Variants in CFAP20DC observed in about 807,000 individuals in gnomAD.
CFAP20DC encodes CFAP20 domain containing.
In CFAP20DC, 84 loss-of-function variants were observed where a neutral mutation model predicts 101.7. The ratio of observed to expected loss-of-function variants is 0.83; its 90% confidence interval spans 0.69 to 0.99. The LOEUF (loss-of-function observed/expected upper bound fraction) is 0.99. Among genes scored for constraint, CFAP20DC ranks in the 50% least tolerant of loss-of-function variants. The probability of loss-of-function intolerance (pLI) is 0.00; values close to 1 mark genes in which losing one functional copy is unlikely to be tolerated. For synonymous variants in CFAP20DC, 359 were observed against 351.2 expected (o/e 1.02, Z -0.25); for missense variants, 1,007 against 970.3 (o/e 1.04, Z -0.50).
At chr3:58,958,047 A>G (rs1425100657) in intron 4 of CFAP20DC, among the ~76,000 whole-genome samples, 3 of 152,202 alleles carry the variant, frequency 2.0e-5, no homozygotes, top group African/African-American at 7.2e-5. Flanking sequence ...TAAATAACCT[A>G]GTTTCCATGA....
chr3:58,993,009 T>C (rs2092992092), intron 4 of CFAP20DC, among the ~76,000 whole-genome samples: 1 of 152,206 alleles, frequency 6.6e-6, no homozygotes, highest in South Asian at 2.1e-4. Context: ...TAAAATGATT[T>C]GGCAAGTGAT....
At chr3:58,911,406 A>G (rs556725883) in intron 6 of CFAP20DC, among the ~76,000 whole-genome samples, 2 of 152,272 alleles carry the variant, frequency 1.3e-5, no homozygotes, top group South Asian at 2.1e-4. Context: ...GGTAATATTA[A>G]TCTGTTAGAA....
rs369378304 is a variant in CFAP20DC at position 58,751,669 on chromosome 3, A to AT, written c.2332+2099dup. Among the ~76,000 whole-genome samples, 331 of 152,274 alleles carry AT rather than the reference A, an allele frequency of 2.2e-3. 4 individuals carry two copies. Among genetic ancestry groups the AT allele is most frequent in the African/African-American group, 7.6e-3 (316 of 41,568 alleles). ...AACTCCTGGTTTTATATATACATAT[A>AT]TTTTTAGTAGGTAATCTACTTACCC... On this transcript the variant is annotated intron_variant, in intron 16 of 16. Transcript: ENST00000482387.
At chr3:58,749,179 T>C (rs2068402768) in intron 16 of CFAP20DC, among the ~76,000 whole-genome samples, 1 of 152,200 alleles carries the variant, frequency 6.6e-6, no homozygotes, top group African/African-American at 2.4e-5. Flanking sequence ...CATTCACTCA[T>C]CAAATATTTA....
chr3:58,804,263 G>C (rs1272129410), intron 15 of CFAP20DC, among the ~76,000 whole-genome samples: 1 of 152,144 alleles, frequency 6.6e-6, no homozygotes, highest in Non-Finnish European at 1.5e-5. Context: ...TATAGAATTA[G>C]GATGAGAATT....
At chr3:58,837,601 T>G (rs2076826303) in intron 13 of CFAP20DC, among the ~76,000 whole-genome samples, 1 of 152,136 alleles carries the variant, frequency 6.6e-6, no homozygotes, top group Non-Finnish European at 1.5e-5. Context: ...TTCTCTCTGA[T>G]CAACAACAAA....
At chr3:59,023,577 GGAGA>G (rs2093841986) in intron 4 of CFAP20DC, among the ~76,000 whole-genome samples, 1 of 152,008 alleles carries the variant, frequency 6.6e-6, no homozygotes, top group Non-Finnish European at 1.5e-5. Flanking sequence ...AATGAATTAT[GGAGA>G]GAGAGGTGCC....
intron 6 of CFAP20DC, among the ~76,000 whole-genome samples, chr3:58,885,314 GT>G (rs2081535440): frequency 6.6e-6 from 1 of 151,746 alleles, no homozygotes; most frequent in Non-Finnish European, 1.5e-5. Flanking sequence ...TTTCATTCAT[GT>G]ATATTTATAT....
chr3:58,921,513 T>C (rs1373824320), intron 5 of CFAP20DC, among the ~76,000 whole-genome samples: 3 of 152,256 alleles, frequency 2.0e-5, no homozygotes. Context: ...GACTTAGAAG[T>C]ATGTTACTTT....
rs1330675253 is a variant in CFAP20DC at position 58,913,933 on chromosome 3, T to C, written c.394-69A>G. 25 of 1,522,158 alleles carry C rather than the reference T, an allele frequency of 1.6e-5. No homozygotes were observed. The highest frequency in any genetic ancestry group is 4.5e-5 in the East Asian group (2 of 44,198). 94.3% of individuals were successfully genotyped at this position (1,522,158 alleles called of 1,614,324 possible). On this transcript the variant is annotated intron_variant, in intron 5 of 16. Transcript: ENST00000482387. The surrounding 1 kb of genome is among the most constrained non-coding windows in gnomAD (Gnocchi z 4.4). ...CACATAAATGAACAAACCATCTATA[T>C]GTAGACATTCAAAGAGTTGAGGCAG...
At chr3:58,871,523 C>T (rs1427575159) in intron 7 of CFAP20DC, among the ~76,000 whole-genome samples, 2 of 151,282 alleles carry the variant, frequency 1.3e-5, no homozygotes, top group Non-Finnish European at 2.9e-5. Flanking sequence ...GACTGAATTC[C>T]GACTTTTCTT....
At chr3:58,945,899 G>A (rs1422184166) in intron 4 of CFAP20DC, among the ~76,000 whole-genome samples, 1 of 151,696 alleles carries the variant, frequency 6.6e-6, no homozygotes, top group African/African-American at 2.4e-5. Flanking sequence ...GTTTCACCAC[G>A]TTGGCCAGGA....
In CFAP20DC at chr3:58,914,502, T is replaced by TA; in HGVS notation, c.394-639_394-638insT. 6.6e-6 allele frequency among the ~76,000 whole-genome samples: 1 copy of TA among 151,576 alleles called. No individual in the cohort carries two copies. The highest frequency in any genetic ancestry group is 2.1e-4 in the South Asian group (1 of 4,814). On this transcript the variant is annotated intron_variant, in intron 5 of 16. Coordinates refer to ENST00000482387, the MANE Select transcript of CFAP20DC (RefSeq NM_001394063.1). The surrounding 1 kb of genome is among the most constrained non-coding windows in gnomAD (Gnocchi z 4.9). ...GAATTTTCTGAATGGTTAAAGAAAA[T>TA]GAAAAAAAATCATTTGGCAAGAAAC...
chr3:58,736,824 C>T (rs983828266), intron 3 of CFAP20DC, among the ~76,000 whole-genome samples: 4 of 152,180 alleles, frequency 2.6e-5, no homozygotes, highest in African/African-American at 9.7e-5. Flanking sequence ...CACAGAATTA[C>T]AGGTGATTAA....
At chr3:59,039,030 C>T (rs912189988) in intron 4 of CFAP20DC, among the ~76,000 whole-genome samples, 1 of 152,062 alleles carries the variant, frequency 6.6e-6, no homozygotes, top group African/African-American at 2.4e-5. Context: ...AATAACATCT[C>T]ACATAATAGA....
chr3:58,877,411 C>A (rs1009648176), intron 7 of CFAP20DC, among the ~76,000 whole-genome samples: 1 of 152,192 alleles, frequency 6.6e-6, no homozygotes, highest in African/African-American at 2.4e-5. Flanking sequence ...TTAACAGGAG[C>A]TTCATATCTA....
chr3:58,757,632 T>C (rs1236511213), intron 15 of CFAP20DC, among the ~76,000 whole-genome samples: 1 of 152,170 alleles, frequency 6.6e-6, no homozygotes, highest in Non-Finnish European at 1.5e-5. Context: ...AATGCACCCA[T>C]GTTTTCTTCC....
chr3:58,794,377 T>C (rs768966198), intron 15 of CFAP20DC: 14 of 455,240 alleles, frequency 3.1e-5, no homozygotes, highest in Admixed American at 4.7e-5. Context: ...ACAATAATGA[T>C]AGTGTTAATT....
In CFAP20DC at chr3:58,914,267, G is replaced by T. The variant is rs528298742; in HGVS notation, c.394-403C>A. On this transcript the variant is annotated intron_variant, in intron 5 of 16. Coordinates refer to ENST00000482387, the MANE Select transcript of CFAP20DC (RefSeq NM_001394063.1). The surrounding 1 kb of genome is among the most constrained non-coding windows in gnomAD (Gnocchi z 4.9). ...CTAATTTGATCACAATTAGCCACTC[G>T]TATTTGTTGAAAAAGGCATGGATGA... 6.6e-6 allele frequency among the ~76,000 whole-genome samples: 1 copy of T among 152,108 alleles called. No individual in the cohort carries two copies. The highest frequency in any genetic ancestry group is 1.5e-5 in the Non-Finnish European group (1 of 68,010).
Sources: gnomAD v4.1 joint callset for allele counts (sites outside exome capture counted in the v4.1 genomes callset) on GRCh38, gnomAD v4.1.1 for gene constraint, Gnocchi (gnomAD v3.1) non-coding constraint, MANE v1.5 for transcripts, NCBI Gene and HGNC (gene_info 2026-07-23, HGNC 2026-07-21) for gene names.